The following DNAH6 variants were observed in gnomAD, a reference collection of about 807,000 sequenced individuals.
DNAH6 encodes axonemal beta dynein heavy chain 6.
DNAH6 carries 340 observed loss-of-function variants against 491.4 expected under a neutral mutation model. The observed-to-expected ratio is 0.69, with a 90% CI of 0.63 to 0.76. DNAH6 has a LOEUF of 0.76. Ranked by LOEUF, DNAH6 falls within the 30% of genes least tolerant of loss-of-function variation. The probability of loss-of-function intolerance (pLI) is 0.00; values close to 1 mark genes in which losing one functional copy is unlikely to be tolerated. For missense variants in DNAH6, 4,443 were observed against 4,972.2 expected (o/e 0.89, Z 3.20); for synonymous variants, 1,603 against 1,686.1 (o/e 0.95, Z 1.21).
the DNAH6 span, among the ~76,000 whole-genome samples, chr2:84,480,733 C>A: frequency 6.6e-6 from 1 of 152,256 alleles, no homozygotes; most frequent in East Asian, 1.9e-4. Flanking sequence ...GAGGCCAAGG[C>A]GGGTGGATCA....
At chr2:84,506,999 G>A in the DNAH6 span, among the ~76,000 whole-genome samples, 5 of 152,190 alleles carry the variant, frequency 3.3e-5, no homozygotes, top group South Asian at 2.1e-4. Context: ...GTCAGGTAGC[G>A]TGATGCCTCC....
chr2:84,762,657 C>T (rs1421942954), intron 63 of DNAH6, 98 bp from the exon 64 acceptor site: 4 of 807,112 alleles, frequency 5.0e-6, no homozygotes, highest in Non-Finnish European at 7.8e-6. Flanking sequence ...AGTACAAAAA[C>T]ACAGGACACC....
the DNAH6 span, among the ~76,000 whole-genome samples, chr2:84,495,395 TCA>T: frequency 6.6e-6 from 1 of 152,290 alleles, no homozygotes; most frequent in East Asian, 1.9e-4. Context: ...ACTCCTGACC[TCA>T]GGTGATCCAT....
intron 29 of DNAH6, among the ~76,000 whole-genome samples, chr2:84,632,220 A>G (rs1300541150): frequency 6.6e-6 from 1 of 152,218 alleles, no homozygotes; most frequent in African/African-American, 2.4e-5. Flanking sequence ...AGGTTTTTGC[A>G]TCCTGGGGCA....
At chr2:84,780,259 T>C (rs1352616012) in intron 64 of DNAH6, among the ~76,000 whole-genome samples, 1 of 152,234 alleles carries the variant, frequency 6.6e-6, no homozygotes, top group Non-Finnish European at 1.5e-5. Flanking sequence ...TTCTCCTGTC[T>C]CAGGAATGCC....
At chr2:84,769,027 T>C (rs1406065552) in intron 64 of DNAH6, among the ~76,000 whole-genome samples, 1 of 152,208 alleles carries the variant, frequency 6.6e-6, no homozygotes, top group African/African-American at 2.4e-5. Flanking sequence ...CTACTTGTTA[T>C]ATAACCTGTT....
chr2:84,733,601 G>C, intron 62 of DNAH6, 22 bp downstream of exon 62: 2 of 1,546,964 alleles, frequency 1.3e-6, no homozygotes, highest in Non-Finnish European at 1.7e-6. Flanking sequence ...AAAAGAACCT[G>C]CTGAGGAGGC....
chr2:84,674,040 G>A (rs977779530), intron 40 of DNAH6, among the ~76,000 whole-genome samples: 1 of 152,198 alleles, frequency 6.6e-6, no homozygotes, highest in Admixed American at 6.5e-5. Flanking sequence ...GAAAATTTCT[G>A]TTCTGGAGAA....
intron 40 of DNAH6, among the ~76,000 whole-genome samples, chr2:84,676,526 G>C (rs983503221): frequency 3.3e-5 from 5 of 152,156 alleles, no homozygotes; most frequent in African/African-American, 7.2e-5. Flanking sequence ...ATTTTAAACA[G>C]AAACACACAT....
intron 68 of DNAH6, among the ~76,000 whole-genome samples, chr2:84,790,951 G>T (rs988051280): frequency 2.0e-5 from 3 of 152,110 alleles, no homozygotes; most frequent in Non-Finnish European, 2.9e-5. Flanking sequence ...CAGCACTTTG[G>T]GAGGCCCAGG....
Position 84,762,838 on chromosome 2 carries a change from G to T in DNAH6, c.10596G>T (p.Leu3532=). Reference sequence around the variant, plus strand: ...CACCACCTGTGGACCTGCCTACCCTGTATCAAGACATGTCATGCAACACTC... The same window carrying T: ...CACCACCTGTGGACCTGCCTACCCTTTATCAAGACATGTCATGCAACACTC... The part of the protein sequence containing the change: ...IETPPVDLPT[L]YQDMSCNTPL... The change falls in exon 64 of 77, where the codon CTG becomes CTT. Residue 3532 remains leucine, a synonymous_variant. Transcript: ENST00000389394. 1.3e-6 allele frequency: 2 copies of T among 1,551,118 alleles called. No individual in the cohort carries two copies. The highest frequency in any genetic ancestry group is 1.7e-6 in the Non-Finnish European group (2 of 1,146,558).
chr2:84,615,558 T>C (rs1284866487), intron 22 of DNAH6, among the ~76,000 whole-genome samples: 2 of 150,882 alleles, frequency 1.3e-5, no homozygotes. Flanking sequence ...ATTATATTTT[T>C]CTAACTCTGT....
chr2:84,595,722 A>T lies in DNAH6; in HGVS notation c.2801A>T (p.Glu934Val), dbSNP rs1349499211. The part of the protein sequence containing the change: ...SKYAKFVTQL[E>V]KGLPPNSVVP... ...TATGCTAAATTTGTGACTCAACTGG[A>T]AAAAGGCTTGCCACCCAACAGTGTA... Residue 934 changes from glutamate (E) to valine (V), a missense_variant, in exon 18 of 77, where the codon GAA becomes GTA. By Grantham distance (121) the Glu-to-Val change is moderately radical. Transcript: ENST00000389394. The T allele has an allele frequency of 6.5e-7, 1 of 1,549,608 alleles. No homozygotes were observed. The highest frequency in any genetic ancestry group is 8.7e-7 in the Non-Finnish European group (1 of 1,145,968).
At position 84,611,799 on chromosome 2, in the gene DNAH6, A is replaced by G. The variant is rs1287824741; in HGVS notation, c.3420A>G (p.Glu1140=). The G allele has an allele frequency of 1.4e-5, 22 of 1,551,188 alleles. No individual in the cohort carries two copies. The highest frequency in any genetic ancestry group is 1.7e-5 in the Non-Finnish European group (20 of 1,146,662). The part of the protein sequence containing the change: ...MFLQVDKSWK[E]IMRKVNRLPN... ...TTCAGGTGGATAAGTCATGGAAAGA[A>G]ATCATGAGAAAGGTGAATCGGCTGC... Residue 1140 remains glutamate (E), a synonymous_variant, in exon 22 of 77, where the codon GAA becomes GAG. Transcript: ENST00000389394.
At chr2:84,546,109 A>G (rs1045965429) in intron 5 of DNAH6, among the ~76,000 whole-genome samples, 1 of 152,094 alleles carries the variant, frequency 6.6e-6, no homozygotes, top group Admixed American at 6.6e-5. Context: ...ACTATAGGCA[A>G]CCACTAATCT....
the DNAH6 span, among the ~76,000 whole-genome samples, chr2:84,471,158 T>A: frequency 1.3e-5 from 2 of 152,146 alleles, no homozygotes; most frequent in Non-Finnish European, 1.5e-5. Context: ...TTCCCAACAC[T>A]CAGCTTTTTC....
Position 84,584,206 on chromosome 2 carries a change from G to A in DNAH6, c.2437G>A (p.Glu813Lys), listed in dbSNP as rs746748449. The A allele has an allele frequency of 3.7e-6, 6 of 1,613,988 alleles. No individual in the cohort carries two copies. In the African/African-American group the frequency reaches 4.0e-5, roughly 11 times the overall value. Residue 813 changes from glutamate to lysine, a missense_variant, in exon 15 of 77, where the codon GAA becomes AAA. This residue lies in a region of DNAH6 where 2,977 missense variants were observed against 3,296.6 expected (regional missense o/e 0.90). Coordinates refer to ENST00000389394, the MANE Select transcript of DNAH6 (RefSeq NM_001370.2). ...TTGTGTGCATTTGGGTAGTGATCTTGAAGAATTAAACAACGAAGTGAATGA... is the reference window on the plus strand; with the variant it reads ...TTGTGTGCATTTGGGTAGTGATCTTAAAGAATTAAACAACGAAGTGAATGA... Reference protein sequence around the residue: ...QFCVHLGSDLEELNNEVNEVK... With the variant: ...QFCVHLGSDLKELNNEVNEVK...
intron 16 of DNAH6, among the ~76,000 whole-genome samples, chr2:84,591,252 G>C (rs1684081898): frequency 6.6e-6 from 1 of 152,120 alleles, no homozygotes; most frequent in South Asian, 2.1e-4. Flanking sequence ...ACTCAGTAAA[G>C]TTGTAGAATA....
the DNAH6 span, among the ~76,000 whole-genome samples, chr2:84,505,135 C>G: frequency 1.3e-5 from 2 of 152,076 alleles, no homozygotes; most frequent in East Asian, 3.8e-4. Context: ...GAATTGTTTT[C>G]TTTTTCATTT....
Sources: gnomAD v4.1 joint callset for allele counts (sites outside exome capture counted in the v4.1 genomes callset) on GRCh38, gnomAD v4.1.1 for gene constraint, gnomAD v4.1.1 regional missense constraint, MANE v1.5 for transcripts, NCBI Gene and HGNC (gene_info 2026-07-23, HGNC 2026-07-21) for gene names.